The following GTF3C1 variants were observed in gnomAD, a reference collection of about 807,000 sequenced individuals.
GTF3C1 encodes the protein general transcription factor IIIC subunit 1.
A neutral mutation model predicts 226.7 loss-of-function variants in GTF3C1; 57 were observed. That is an observed-to-expected ratio of 0.25 (90% CI 0.20 to 0.31). The LOEUF (loss-of-function observed/expected upper bound fraction) is 0.31, where lower values mean the gene tolerates loss of function less well. Ranked by LOEUF, GTF3C1 falls within the 10% of genes least tolerant of loss-of-function variation. The probability of loss-of-function intolerance (pLI) is 1.00; values close to 1 mark genes in which losing one functional copy is unlikely to be tolerated. For synonymous variants in GTF3C1, 1,090 were observed against 1,084.8 expected, an observed-to-expected ratio of 1.00 and a Z score of -0.09; for missense variants, 2,217 against 2,776.1, an observed-to-expected ratio of 0.80 and a Z score of 4.53.
In GTF3C1 at chr16:27,489,670, C is replaced by T. The variant is rs147437939; in HGVS notation, c.3225G>A (p.Gln1075=). Residue 1075 remains glutamine, a synonymous_variant, in exon 20 of 37, where the codon CAG becomes CAA. Coordinates refer to ENST00000356183, the MANE Select transcript of GTF3C1 (RefSeq NM_001520.4). ...TGTCCATGGCGCTCTCCTGCTCCTT[C>T]TGCAGGCTGCCCTCCTCGTCGCTGC... The part of the protein sequence containing the change: ...DQGSDEEGSL[Q]KEQESAMDKH... The T allele has an allele frequency of 8.1e-5, 131 of 1,611,624 alleles. No individual in the cohort carries two copies. The Admixed American group carries it at 1.4e-3, about 17-fold the overall frequency.
intron 25 of GTF3C1, among the ~76,000 whole-genome samples, chr16:27,483,990 G>A (rs992129496): frequency 6.6e-6 from 1 of 152,110 alleles, no homozygotes; most frequent in East Asian, 1.9e-4. Context: ...TACTTCTCAT[G>A]GCCGCTATAA....
intron 12 of GTF3C1, among the ~76,000 whole-genome samples, chr16:27,499,948 C>T (rs530945003): frequency 6.6e-6 from 1 of 152,294 alleles, no homozygotes; most frequent in East Asian, 1.9e-4. Flanking sequence ...CCCTTCCAGC[C>T]GGAAAAACCA....
rs1057172645 is a variant in GTF3C1, at chr16:27,541,849, G to T, written c.431+3465C>A. ...AATCAGGAGGGCAGGGAGCACACAC[G>T]AACACAACACGAACACAAACTCACG... On this transcript the variant is annotated intron_variant, in intron 2 of 36. Coordinates refer to ENST00000356183, the MANE Select transcript of GTF3C1 (RefSeq NM_001520.4). Among the ~76,000 whole-genome samples, 4 of 152,082 alleles carry T rather than the reference G, an allele frequency of 2.6e-5. No individual in the cohort carries two copies. The South Asian group carries it at 8.3e-4, about 31-fold the overall frequency.
At chr16:27,484,180 CCCGGAG>C in intron 25 of GTF3C1, 25 bp downstream of exon 25, 1 of 1,536,654 alleles carries the variant, frequency 6.5e-7, no homozygotes, top group Non-Finnish European at 9.0e-7. Context: ...GTAACCGTGT[CCCGGAG>C]TGACGGGGCT....
At chr16:27,484,181 C>G in intron 25 of GTF3C1, 30 bp downstream of exon 25, 2 of 1,541,200 alleles carry the variant, frequency 1.3e-6, no homozygotes, top group Non-Finnish European at 1.8e-6. Flanking sequence ...TAACCGTGTC[C>G]CGGAGTGACG....
intron 12 of GTF3C1, among the ~76,000 whole-genome samples, chr16:27,499,929 G>A (rs950735891): frequency 2.0e-5 from 3 of 152,174 alleles, no homozygotes; most frequent in Non-Finnish European, 2.9e-5. Context: ...ACATGCACAC[G>A]ACGGAAGCCC....
At chr16:27,474,980 A>T (rs1475445799) in intron 29 of GTF3C1, among the ~76,000 whole-genome samples, 1 of 152,210 alleles carries the variant, frequency 6.6e-6, no homozygotes, top group East Asian at 1.9e-4. Context: ...GGGTGTGCTG[A>T]GGTCTGGCCA....
chr16:27,465,737 C>A (rs1355925760), intron 32 of GTF3C1, 197 bp from the exon 33 acceptor site: 18 of 590,690 alleles, frequency 3.0e-5, no homozygotes, highest in Non-Finnish European at 5.1e-5. Flanking sequence ...AGGCCTCTGA[C>A]TACAGCTGAC....
intron 5 of GTF3C1, among the ~76,000 whole-genome samples, chr16:27,531,515 C>T (rs984053896): frequency 8.5e-5 from 13 of 152,256 alleles, no homozygotes; most frequent in Admixed American, 5.2e-4. Flanking sequence ...TGTGTTCACA[C>T]GCCTGCCCTT....
rs764043170 is a variant in GTF3C1, at chr16:27,533,282, C to T, written c.849+9G>A. ...ACCCAGCCCCGCCCGTGGGAAACCC[C>T]AGGCTCACCAGCTCTTCCCTCAGCT... is the stretch of plus-strand genomic sequence containing the variant. On this transcript the variant is annotated intron_variant, in intron 5 of 36. Coordinates refer to ENST00000356183, the MANE Select transcript of GTF3C1 (RefSeq NM_001520.4). The T allele has an allele frequency of 4.0e-6, 6 of 1,491,774 alleles. No individual in the cohort carries two copies. The African/African-American group carries it at 6.9e-5, about 17-fold the overall frequency. The allele number at this position is 1,491,774 out of a possible 1,614,324, so 92.4% of individuals were successfully genotyped here. A position where few individuals can be genotyped will look rare whatever the true frequency, so the allele number is the denominator to read the frequency against.
chr16:27,462,286 C>A lies in GTF3C1; in HGVS notation c.6117+8G>T. ...CCACACCCTGCTGAACCCAGGAAGG[C>A]CCCACACCTGGAGCAACTCCAGCAC... is the stretch of plus-strand genomic sequence containing the variant. On this transcript the variant is annotated splice_region_variant and intron_variant, in intron 36 of 36. Transcript: ENST00000356183. The surrounding 1 kb of genome is among the most constrained non-coding windows in gnomAD (Gnocchi z 4.5). 1 of 1,545,188 alleles carries A rather than the reference C, an allele frequency of 6.5e-7. No individual in the cohort carries two copies. Among genetic ancestry groups the A allele is most frequent in the Non-Finnish European group, 8.7e-7 (1 of 1,144,954 alleles).
At chr16:27,523,657 C>A (rs944007108) in intron 6 of GTF3C1, among the ~76,000 whole-genome samples, 3 of 152,088 alleles carry the variant, frequency 2.0e-5, no homozygotes, top group Non-Finnish European at 2.9e-5. Flanking sequence ...TCCAAGCAGA[C>A]ACTGTACAGC....
At chr16:27,483,779 C>T (rs1337103954) in intron 25 of GTF3C1, among the ~76,000 whole-genome samples, 2 of 152,176 alleles carry the variant, frequency 1.3e-5, no homozygotes, top group South Asian at 4.1e-4. Context: ...AGAGGGCATC[C>T]TGTCCAATGA....
chr16:27,506,062 G>T lies in GTF3C1; in HGVS notation c.1607C>A (p.Pro536Gln). 5 of 1,613,818 alleles carry T rather than the reference G, an allele frequency of 3.1e-6. No individual in the cohort carries two copies. The highest frequency in any genetic ancestry group is 4.2e-6 in the Non-Finnish European group (5 of 1,179,674). ...GCAGGCTCTCTCTTCAGCAGCTCCT[G>T]GGAAGGAGGGCGGCTGCTTTTTCAA... ...HPLKKQPPSFPGAAEERACQS... is the reference protein window; with the variant it reads ...HPLKKQPPSFQGAAEERACQS... The change falls in exon 10 of 37, where the codon CCA becomes CAA. Residue 536 changes from proline (P) to glutamine (Q), a missense_variant. This residue lies in a region of GTF3C1 where 173 missense variants were observed against 207.2 expected (regional missense o/e 0.83). Transcript: ENST00000356183.
chr16:27,475,460 G>C (rs1232496226), intron 29 of GTF3C1, among the ~76,000 whole-genome samples: 1 of 152,016 alleles, frequency 6.6e-6, no homozygotes, highest in Non-Finnish European at 1.5e-5. Flanking sequence ...AAAATGAACG[G>C]GTCCTCCTTA....
rs2087872512 is a variant in GTF3C1 at position 27,471,662 on chromosome 16, C to T, written c.4526+86G>A. On this transcript the variant is annotated intron_variant, in intron 30 of 36. Coordinates refer to ENST00000356183, the MANE Select transcript of GTF3C1 (RefSeq NM_001520.4). This position sits in a 1 kb window ranked among gnomAD's most constrained non-coding sequence, Gnocchi z 5.0. ...AAGGTCCCTGGCTCCTACACGCTTT[C>T]ATGGCCACAGTGCTTCCTTTGCTCC... is the stretch of plus-strand genomic sequence containing the variant. 2 of 1,121,758 alleles carry T rather than the reference C, an allele frequency of 1.8e-6. No individual in the cohort carries two copies. Among genetic ancestry groups the T allele is most frequent in the Admixed American group, 2.0e-5 (1 of 51,200 alleles). The allele number at this position is 1,121,758 out of a possible 1,614,324, so 69.5% of individuals were successfully genotyped here.
At chr16:27,478,829 A>C (rs896939541) in intron 27 of GTF3C1, among the ~76,000 whole-genome samples, 1 of 151,988 alleles carries the variant, frequency 6.6e-6, no homozygotes, top group Non-Finnish European at 1.5e-5. Flanking sequence ...ACAGCACCTA[A>C]AACTGTGGGT....
Position 27,545,499 on chromosome 16 carries a change from A to C in GTF3C1, c.246T>G (p.Thr82=). ...QDRYEEIDLE[T]GILESRRDPV... ...GGTCCCTCCTAGACTCCAAAATTCCAGTTTCCAAATCAATTTCTTCATACC... is the reference window on the plus strand; with the variant it reads ...GGTCCCTCCTAGACTCCAAAATTCCCGTTTCCAAATCAATTTCTTCATACC... The change falls in exon 2 of 37, where the codon ACT becomes ACG. Residue 82 remains threonine (T), a synonymous_variant. Coordinates refer to ENST00000356183, the MANE Select transcript of GTF3C1 (RefSeq NM_001520.4). 6.2e-7 allele frequency: 1 copy of C among 1,608,078 alleles called. No individual in the cohort carries two copies. The highest frequency in any genetic ancestry group is 8.5e-7 in the Non-Finnish European group (1 of 1,174,562).
At chr16:27,475,727 G>A (rs1241606824) in intron 29 of GTF3C1, among the ~76,000 whole-genome samples, 3 of 152,162 alleles carry the variant, frequency 2.0e-5, no homozygotes, top group African/African-American at 7.2e-5. Flanking sequence ...GAGCGGCCGC[G>A]TGGACCTGTG....
Sources: allele counts gnomAD v4.1 joint callset (sites outside exome capture counted in the v4.1 genomes callset), GRCh38; gene constraint gnomAD v4.1.1; regional missense constraint gnomAD v4.1.1; non-coding constraint Gnocchi (gnomAD v3.1); transcripts MANE v1.5; gene names NCBI Gene and HGNC (gene_info 2026-07-23, HGNC 2026-07-21).